Variants in PGLYRP3 observed in about 807,000 individuals in gnomAD.
The protein encoded by PGLYRP3 is peptidoglycan recognition protein 3.
Under a neutral mutation model 36.0 loss-of-function variants are expected in PGLYRP3, and 39 were observed. That is an observed-to-expected ratio of 1.08 (90% confidence interval 0.84 to 1.41). The LOEUF (loss-of-function observed/expected upper bound fraction) is 1.41, where lower values mean the gene tolerates loss of function less well. Among genes scored for constraint, PGLYRP3 ranks in the 40% most tolerant of loss-of-function variants. The pLI, the probability that PGLYRP3 is intolerant of heterozygous loss-of-function variation, is 0.00. For synonymous variants in PGLYRP3, 204 were observed against 172.8 expected, an observed-to-expected ratio of 1.18 and a Z score of -1.42; for missense variants, 407 against 427.9, an observed-to-expected ratio of 0.95 and a Z score of 0.43.
chr1:153,302,351 C>A (rs1251218149), intron 6 of PGLYRP3, 58 bp downstream of exon 6: 2 of 1,571,660 alleles, frequency 1.3e-6, no homozygotes, highest in Admixed American at 3.4e-5. Flanking sequence ...CCTCCCACAG[C>A]CTTCCTTCCT....
At chr1:153,308,768 A>G (rs1179546137) in intron 2 of PGLYRP3, among the ~76,000 whole-genome samples, 1 of 152,146 alleles carries the variant, frequency 6.6e-6, no homozygotes, top group African/African-American at 2.4e-5. Context: ...ACAGAGGAGA[A>G]CCACAGAAGT....
At chr1:153,307,291 C>A in intron 2 of PGLYRP3, 24 bp from the exon 3 acceptor site, 1 of 1,565,830 alleles carries the variant, frequency 6.4e-7, no homozygotes, top group Non-Finnish European at 8.7e-7. Context: ...CACAGAATGG[C>A]ACATAGCAGG....
Position 153,303,887 on chromosome 1 carries a change from C to G in PGLYRP3, c.499G>C (p.Asp167His). 6.2e-7 allele frequency: 1 copy of G among 1,613,576 alleles called. No individual in the cohort carries two copies. Among genetic ancestry groups the G allele is most frequent in the Non-Finnish European group, 8.5e-7 (1 of 1,179,832 alleles). The change falls in exon 5 of 8, where the codon GAC becomes CAC. Residue 167 changes from aspartate to histidine, a missense_variant. Asp to His is a moderately conservative substitution (Grantham distance 81). Coordinates refer to ENST00000683862, the MANE Select transcript of PGLYRP3 (RefSeq NM_052891.3). ...PLLLKEETCL[D>H]PQHPVMPRKV... ...CTGGGCATCACTGGATGTTGAGGGT[C>G]CAGGCAGGTCTCTTCTTTCAGAAGA... is the stretch of plus-strand genomic sequence containing the variant.
At chr1:153,304,578 T>A (rs1044472394) in intron 4 of PGLYRP3, among the ~76,000 whole-genome samples, 1 of 129,836 alleles carries the variant, frequency 7.7e-6, no homozygotes, top group African/African-American at 3.0e-5. Flanking sequence ...TTTCCTTGCC[T>A]GCTGCCTTCT....
Position 153,302,601 on chromosome 1 carries a change from G to T in PGLYRP3, c.536C>A (p.Pro179His), listed in dbSNP as rs1659626605. 6.2e-7 allele frequency: 1 copy of T among 1,614,028 alleles called. No homozygotes were observed. Among genetic ancestry groups the T allele is most frequent in the East Asian group, 2.2e-5 (1 of 44,888 alleles). Residue 179 changes from proline (P) to histidine (H), a missense_variant, in exon 6 of 8, where the codon CCC becomes CAC. Transcript: ENST00000683862. ...CCAAGCAGATCGTTTGATGATGTTGGGGCAAACTGTGGTAAAATGAAAAGC... is the reference window on the plus strand; with the variant it reads ...CCAAGCAGATCGTTTGATGATGTTGTGGCAAACTGTGGTAAAATGAAAAGC... ...QHPVMPRKVC[P>H]NIIKRSAWEA...
Position 153,298,087 on chromosome 1 carries a change from G to A in PGLYRP3, c.895C>T (p.Gln299Ter). ...AGGTACCCCTCAACCACGGCACACT[G>A]GATCAGGTCCTGGGCCGCCTCCAGC... is the stretch of plus-strand genomic sequence containing the variant. ...AALEAAQDLIQCAVVEGYLTP... is the reference protein window; with the variant it reads ...AALEAAQDLI Residue 299 changes from glutamine (Q) to a stop codon, truncating the protein, a stop_gained, in exon 8 of 8, where the codon CAG (glutamine) becomes TAG (stop). Transcript: ENST00000683862. LOFTEE classifies it high-confidence loss of function. The A allele has an allele frequency of 6.2e-7, 1 of 1,614,056 alleles. No homozygotes were observed. Among genetic ancestry groups the A allele is most frequent in the Non-Finnish European group, 8.5e-7 (1 of 1,180,004 alleles).
chr1:153,304,967 G>T lies in PGLYRP3; in HGVS notation c.356C>A (p.Ala119Asp), dbSNP rs143394889. ...CTTACCTATCTTATTGCCAAAGAAG[G>T]CGATGCCCAGGGAAATGTTGTTGTA... is the stretch of plus-strand genomic sequence containing the variant. ...QGYNNISLGI[A>D]FFGNKIGSSP... Residue 119 changes from alanine (A) to aspartate (D), a missense_variant, in exon 4 of 8, where the codon GCC becomes GAC. Coordinates refer to ENST00000683862, the MANE Select transcript of PGLYRP3 (RefSeq NM_052891.3). 106 of 1,613,674 alleles carry T rather than the reference G, an allele frequency of 6.6e-5. No individual in the cohort carries two copies. In the African/African-American group the frequency reaches 1.2e-3, roughly 18 times the overall value.
chr1:153,298,818 G>T (rs1396368440), intron 7 of PGLYRP3, among the ~76,000 whole-genome samples: 5 of 152,092 alleles, frequency 3.3e-5, no homozygotes, highest in Non-Finnish European at 5.9e-5. Context: ...GGACACATTT[G>T]CCAACTGAGC....
At position 153,304,936 on chromosome 1, in the gene PGLYRP3, G is replaced by A; in HGVS notation, c.376+11C>T. ...CTCTCCAGCACAGGGTCCGCAGGGA[G>A]TGACCCTTACCTATCTTATTGCCAA... On this transcript the variant is annotated intron_variant, in intron 4 of 7. Coordinates refer to ENST00000683862, the MANE Select transcript of PGLYRP3 (RefSeq NM_052891.3). The A allele has an allele frequency of 1.2e-6, 2 of 1,601,774 alleles. No individual in the cohort carries two copies. The highest frequency in any genetic ancestry group is 8.5e-7 in the Non-Finnish European group (1 of 1,169,986).
At position 153,302,418 on chromosome 1, in the gene PGLYRP3, A is replaced by G. The variant is rs768737213; in HGVS notation, c.719T>C (p.Ile240Thr). Residue 240 changes from isoleucine to threonine, a missense_variant, in exon 6 of 8, where the codon ATT becomes ACT. Transcript: ENST00000683862. ...CATTGATCCCACTTACTGATATCCA[A>G]TGTCACAAAAGTTCCGTGTGTCCAT... ...FHMDTRNFCD[I>T]GYHFLVGQDG... is the part of the protein sequence containing the mutation. The G allele has an allele frequency of 1.5e-5, 25 of 1,614,124 alleles. No individual in the cohort carries two copies. The highest frequency in any genetic ancestry group is 2.0e-5 in the Non-Finnish European group (24 of 1,179,968).
intron 6 of PGLYRP3, among the ~76,000 whole-genome samples, chr1:153,301,512 C>A (rs969801385): frequency 1.5e-4 from 23 of 152,208 alleles, no homozygotes; most frequent in African/African-American, 5.3e-4. Context: ...CTGGCATTTT[C>A]CATGTGGAAT....
At position 153,297,581 on chromosome 1, in the gene PGLYRP3, G is replaced by GAAGAAAGAAAGAAAGAAAGAAAGAAAGA. The variant is rs202027575; in HGVS notation, c.*374_*375insTCTTTCTTTCTTTCTTTCTTTCTTTCTT. Among the ~76,000 whole-genome samples, 331 of 48,418 alleles carry GAAGAAAGAAAGAAAGAAAGAAAGAAAGA rather than the reference G, an allele frequency of 6.8e-3. 7 individuals carry two copies. Among genetic ancestry groups the GAAGAAAGAAAGAAAGAAAGAAAGAAAGA allele is most frequent in the African/African-American group, 0.022 (323 of 14,518 alleles). The allele number at this position is 48,418 out of a possible 152,430, so 31.8% of individuals were successfully genotyped here. On this transcript the variant is annotated 3_prime_UTR_variant, in exon 8 of 8. Coordinates refer to ENST00000683862, the MANE Select transcript of PGLYRP3 (RefSeq NM_052891.3). ...AAAGAAAAAGAAAGAAAGAAAGAAA[G>GAAGAAAGAAAGAAAGAAAGAAAGAAAGA]AAGAAAGAAAGAAAGAAAGAAAGAG... is the stretch of plus-strand genomic sequence containing the variant.
At chr1:153,310,045 A>T (rs1659857574) in intron 2 of PGLYRP3, among the ~76,000 whole-genome samples, 1 of 152,246 alleles carries the variant, frequency 6.6e-6, no homozygotes, top group Admixed American at 6.5e-5. Flanking sequence ...AACATGTCAT[A>T]TTTAAGAATC....
At position 153,307,077 on chromosome 1, in the gene PGLYRP3, G is replaced by C. The variant is rs758332518; in HGVS notation, c.246C>G (p.Asp82Glu). 5.0e-6 allele frequency: 8 copies of C among 1,613,638 alleles called. No individual in the cohort carries two copies. In the East Asian group the frequency reaches 1.8e-4, roughly 36 times the overall value. ...SHSVYTIGWC[D>E]VAYNFLVGDD... ...GGCTAGCCTCTTACTTGTACGCCACGTCGCACCAGCCTATGGTGTAGACGG... is the reference window on the plus strand; with the variant it reads ...GGCTAGCCTCTTACTTGTACGCCACCTCGCACCAGCCTATGGTGTAGACGG... Residue 82 changes from aspartate (D) to glutamate (E), a missense_variant, in exon 3 of 8, where the codon GAC (aspartate) becomes GAG (glutamate). Asp to Glu is a conservative substitution (Grantham distance 45). Transcript: ENST00000683862.
chr1:153,311,547 C>T lies in PGLYRP3; in HGVS notation c.-41-841G>A, dbSNP rs189942473. On this transcript the variant is annotated intron_variant, in intron 1 of 7. Transcript: ENST00000683862. ...CTCAATGTGGGCCCAAGAGGTTGAA[C>T]TATAGGATCACTATAGTCTTTTCCA... Among the ~76,000 whole-genome samples the T allele has an allele frequency of 7.9e-5, 12 of 152,316 alleles. No individual in the cohort carries two copies. In the East Asian group the frequency reaches 2.1e-3, roughly 27 times the overall value.
chr1:153,312,257 G>A (rs1400673531), intron 1 of PGLYRP3, among the ~76,000 whole-genome samples: 2 of 152,156 alleles, frequency 1.3e-5, no homozygotes, highest in African/African-American at 2.4e-5. Flanking sequence ...AAGCTGGTAG[G>A]ATAAGCTAGA....
Position 153,297,169 on chromosome 1 carries a change from T to C in PGLYRP3, c.*787A>G, listed in dbSNP as rs1174291047. On this transcript the variant is annotated 3_prime_UTR_variant, in exon 8 of 8. Coordinates refer to ENST00000683862, the MANE Select transcript of PGLYRP3 (RefSeq NM_052891.3). ...TTTAACAAACATCTGTAGAACCTATTAAACTCCAAACACTGCTGAGGAACT... is the reference window on the plus strand; with the variant it reads ...TTTAACAAACATCTGTAGAACCTATCAAACTCCAAACACTGCTGAGGAACT... Among the ~76,000 whole-genome samples, 5 of 152,202 alleles carry C rather than the reference T, an allele frequency of 3.3e-5. No homozygotes were observed. In the East Asian group the frequency reaches 9.6e-4, roughly 29 times the overall value.
Position 153,297,440 on chromosome 1 carries a change from C to T in PGLYRP3, c.*516G>A, listed in dbSNP as rs1471878886. ...ACAGGGAAGGCTCACCAGGCAGAGG[C>T]GGGGAGAGGGGGAGAGAGAGAGAGA... On this transcript the variant is annotated 3_prime_UTR_variant, in exon 8 of 8. Coordinates refer to ENST00000683862, the MANE Select transcript of PGLYRP3 (RefSeq NM_052891.3). Among the ~76,000 whole-genome samples the T allele has an allele frequency of 1.2e-4, 10 of 82,216 alleles. No individual in the cohort carries two copies. The highest frequency in any genetic ancestry group is 1.2e-3 in the East Asian group (3 of 2,500). 53.9% of individuals were successfully genotyped at this position (82,216 alleles called of 152,430 possible).
intron 6 of PGLYRP3, among the ~76,000 whole-genome samples, chr1:153,301,408 A>G (rs1476361984): frequency 1.3e-5 from 2 of 152,242 alleles, no homozygotes; most frequent in Non-Finnish European, 2.9e-5. Context: ...AGGCTGGAGC[A>G]GAAGGATATT....
Sources: gnomAD v4.1 joint callset for allele counts (sites outside exome capture counted in the v4.1 genomes callset) on GRCh38, gnomAD v4.1.1 for gene constraint, MANE v1.5 for transcripts, NCBI Gene and HGNC (gene_info 2026-07-23, HGNC 2026-07-21) for gene names.